Variants in SLC37A1 observed in about 807,000 individuals in gnomAD.
SLC37A1 encodes glucose-6-phosphate exchanger SLC37A1.
Under a neutral mutation model 75.3 loss-of-function variants are expected in SLC37A1, and 49 were observed. That is an observed-to-expected ratio of 0.65 (90% CI 0.52 to 0.83). The LOEUF is 0.83. Among genes scored for constraint, SLC37A1 ranks in the 40% least tolerant of loss-of-function variants. The pLI is 0.00. For synonymous variants in SLC37A1, 268 were observed against 292.1 expected, an observed-to-expected ratio of 0.92 and a Z score of 0.84; for missense variants, 566 against 695.0, an observed-to-expected ratio of 0.81 and a Z score of 2.09.
At chr21:42,526,634 A>C (rs911571139) in intron 3 of SLC37A1, among the ~76,000 whole-genome samples, 1 of 152,168 alleles carries the variant, frequency 6.6e-6, no homozygotes, top group African/African-American at 2.4e-5. Flanking sequence ...TGCCCTCTGC[A>C]GCCCTGGTCG....
At chr21:42,504,916 T>C (rs2054370501) in intron 2 of SLC37A1, among the ~76,000 whole-genome samples, 1 of 152,202 alleles carries the variant, frequency 6.6e-6, no homozygotes, top group East Asian at 1.9e-4. Context: ...GGACCAGTTC[T>C]TTCCTTCCCC....
At chr21:42,530,971 ATGTT>A (rs758342937) in intron 3 of SLC37A1, among the ~76,000 whole-genome samples, 9 of 152,186 alleles carry the variant, frequency 5.9e-5, no homozygotes, top group Non-Finnish European at 1.3e-4. Flanking sequence ...AATACAGTGA[ATGTT>A]TGTGCCTAAA....
At chr21:42,508,772 C>T (rs2054408231) in intron 2 of SLC37A1, 1 of 152,200 alleles carries the variant, frequency 6.6e-6, no homozygotes, top group Non-Finnish European at 1.5e-5. Flanking sequence ...TACTATTTCC[C>T]TTGCTACACA....
At chr21:42,573,783 A>G (rs1338096071) in intron 17 of SLC37A1, among the ~76,000 whole-genome samples, 3 of 152,030 alleles carry the variant, frequency 2.0e-5, no homozygotes, top group Non-Finnish European at 4.4e-5. Context: ...CCATGCATCT[A>G]CCAAAACAGG....
intron 2 of SLC37A1, among the ~76,000 whole-genome samples, chr21:42,504,321 G>A (rs1195334219): frequency 6.6e-6 from 1 of 152,112 alleles, no homozygotes; most frequent in African/African-American, 2.4e-5. Flanking sequence ...GAGTATAGGG[G>A]TGATAGCTTA....
intron 3 of SLC37A1, among the ~76,000 whole-genome samples, chr21:42,527,053 A>G (rs2054814107): frequency 6.6e-6 from 1 of 151,854 alleles, no homozygotes; most frequent in South Asian, 2.1e-4. Context: ...AGCGTGTTGG[A>G]GTTGAAGGAT....
chr21:42,557,743 A>G (rs2055727672), intron 10 of SLC37A1, among the ~76,000 whole-genome samples: 2 of 152,086 alleles, frequency 1.3e-5, no homozygotes, highest in African/African-American at 4.8e-5. Context: ...AAATATTCTA[A>G]ATATCAAGGG....
chr21:42,569,840 G>A (rs2839556), intron 17 of SLC37A1, among the ~76,000 whole-genome samples: 95,757 of 152,234 alleles, frequency 0.63, 30,940 homozygotes, highest in African/African-American at 0.72. Context: ...AGTTAGAATC[G>A]CAGCCGGGGC....
In SLC37A1 at chr21:42,518,421, TG is replaced by T; in HGVS notation, c.-33del. The stretch of plus-strand genomic sequence containing the variant: ...GACTCATTTATGAAGCATCTTATTC[TG>T]CGACCGAGGCTCAGTGGTCAGTGGC... On this transcript the variant is annotated 5_prime_UTR_variant, in exon 2 of 20. Transcript: ENST00000352133. 2 of 1,613,842 alleles carry T rather than the reference TG, an allele frequency of 1.2e-6. No individual in the cohort carries two copies. The highest frequency in any genetic ancestry group is 1.7e-6 in the Non-Finnish European group (2 of 1,179,768).
At chr21:42,535,283 C>T (rs534173330) in intron 4 of SLC37A1, among the ~76,000 whole-genome samples, 189 bp from the exon 5 acceptor site, 3 of 152,348 alleles carry the variant, frequency 2.0e-5, no homozygotes, top group African/African-American at 4.8e-5. Flanking sequence ...TTTGAAACTG[C>T]GGTGACTTCA....
intron 10 of SLC37A1, 115 bp downstream of exon 10, chr21:42,554,257 T>C: frequency 1.1e-6 from 1 of 885,826 alleles, no homozygotes; most frequent in Non-Finnish European, 1.7e-6. Flanking sequence ...AACATCCAGG[T>C]CTTAAAAAAA....
At chr21:42,525,682 C>A in intron 2 of SLC37A1, 94 bp from the exon 3 acceptor site, 1 of 820,300 alleles carries the variant, frequency 1.2e-6, no homozygotes. Flanking sequence ...ATGAATAATA[C>A]ACAGCATAAG....
chr21:42,567,210 A>T, intron 16 of SLC37A1, 152 bp downstream of exon 16: 1 of 719,084 alleles, frequency 1.4e-6, no homozygotes, highest in South Asian at 1.7e-5. Context: ...GCCTTCCCGC[A>T]CCTGCCCCGC....
Position 42,534,757 on chromosome 21 carries a change from G to T in SLC37A1, c.198G>T (p.Gln66His), listed in dbSNP as rs140420236. Reference protein sequence around the residue: ...WDEADVRFSSQNRKSGSAAPH... With the variant: ...WDEADVRFSSHNRKSGSAAPH... The stretch of plus-strand genomic sequence containing the variant: ...AAGCTGACGTCAGGTTCAGCAGCCA[G>T]AACAGGAAGTCTGGGTCCGCTGCCC... The change falls in exon 4 of 20, where the codon CAG becomes CAT. Residue 66 changes from glutamine (Q) to histidine (H), a missense_variant. Gln to His is a conservative substitution (Grantham distance 24). Transcript: ENST00000352133. The T allele has an allele frequency of 3.7e-6, 6 of 1,614,122 alleles. No individual in the cohort carries two copies. Among genetic ancestry groups the T allele is most frequent in the Non-Finnish European group, 4.2e-6 (5 of 1,180,002 alleles).
Position 42,570,068 on chromosome 21 carries a change from TTGCCA to T in SLC37A1, c.1423+1633_1423+1637del, listed in dbSNP as rs749606851. On this transcript the variant is annotated intron_variant, in intron 17 of 19. Transcript: ENST00000352133. The stretch of plus-strand genomic sequence containing the variant: ...TGAGAAGCGGCGGGCAGGGTGGCCG[TTGCCA>T]TGTCATGCGACACACGGCCTGGTTC... Among the ~76,000 whole-genome samples, 429 of 115,676 alleles carry T rather than the reference TTGCCA, an allele frequency of 3.7e-3. 10 individuals carry two copies. Among genetic ancestry groups the T allele is most frequent in the South Asian group, 0.015 (60 of 4,104 alleles). The allele number at this position is 115,676 out of a possible 152,430, so 75.9% of individuals were successfully genotyped here.
intron 2 of SLC37A1, among the ~76,000 whole-genome samples, chr21:42,520,016 A>G (rs539804268): frequency 6.6e-6 from 1 of 152,012 alleles, no homozygotes; most frequent in African/African-American, 2.4e-5. Context: ...GTACACACAC[A>G]CTTTTCTGAA....
At position 42,558,997 on chromosome 21, in the gene SLC37A1, G is replaced by A. The variant is rs1164802372; in HGVS notation, c.889G>A (p.Gly297Ser). The A allele has an allele frequency of 7.4e-6, 12 of 1,613,684 alleles. No individual in the cohort carries two copies. The East Asian group carries it at 8.9e-5, about 12-fold the overall frequency. Residue 297 changes from glycine to serine, a missense_variant, in exon 11 of 20, where the codon GGC becomes AGC. Coordinates refer to ENST00000352133, the MANE Select transcript of SLC37A1 (RefSeq NM_001320537.2). Reference protein sequence around the residue: ...MQCLLLSDGKGSIHPNHVVIL... With the variant: ...MQCLLLSDGKSSIHPNHVVIL... The stretch of plus-strand genomic sequence containing the variant: ...GTGCCTGCTGCTCTCAGATGGGAAG[G>A]GCTCCATCCACCCGAACCACGTCGT...
At chr21:42,561,116 C>T (rs1195633775) in intron 11 of SLC37A1, among the ~76,000 whole-genome samples, 1 of 152,210 alleles carries the variant, frequency 6.6e-6, no homozygotes, top group Non-Finnish European at 1.5e-5. Flanking sequence ...ACATCCTCAT[C>T]AACTGTGAAG....
chr21:42,534,583 G>A, intron 3 of SLC37A1, 115 bp from the exon 4 acceptor site: 2 of 1,336,920 alleles, frequency 1.5e-6, no homozygotes, highest in Non-Finnish European at 2.0e-6. Flanking sequence ...GCAGGGTGCA[G>A]GTGCCCTGGG....
Sources: allele counts gnomAD v4.1 joint callset (sites outside exome capture counted in the v4.1 genomes callset), GRCh38; gene constraint gnomAD v4.1.1; transcripts MANE v1.5; gene names NCBI Gene and HGNC (gene_info 2026-07-23, HGNC 2026-07-21).